The following SLC24A2 variants were observed in gnomAD, a reference collection of about 807,000 sequenced individuals.
The protein encoded by SLC24A2 is solute carrier family 24 member 2.
SLC24A2 carries 36 observed loss-of-function variants against 62.0 expected under a neutral mutation model. That is an observed-to-expected ratio of 0.58 (90% CI 0.44 to 0.77). SLC24A2 has a LOEUF of 0.77. SLC24A2 is among the 30% of genes least tolerant of loss of function. The pLI is 0.00. For synonymous variants in SLC24A2, 358 were observed against 294.0 expected, an observed-to-expected ratio of 1.22 and a Z score of -2.23; for missense variants, 846 against 817.9, an observed-to-expected ratio of 1.03 and a Z score of -0.42.
chr9:19,762,697 T>C (rs1822374211), intron 2 of SLC24A2, among the ~76,000 whole-genome samples: 1 of 152,278 alleles, frequency 6.6e-6, no homozygotes, highest in East Asian at 1.9e-4. Flanking sequence ...TACCAAGCTG[T>C]TTTGGTTACT....
chr9:19,963,059 C>T, the SLC24A2 span, among the ~76,000 whole-genome samples: 12 of 152,020 alleles, frequency 7.9e-5, no homozygotes, highest in Admixed American at 3.3e-4. Context: ...TCAGAAATAA[C>T]GCCGCATATC....
rs1832718831 is a variant in SLC24A2, at chr9:19,511,596, G to A, written c.*4557C>T. On this transcript the variant is annotated 3_prime_UTR_variant, in exon 11 of 11. Transcript: ENST00000341998. ...AATGACAAGGCCTTACCTAATAATT[G>A]AAGACAGTATTGTTGAGACAGGTAT... 6.6e-6 allele frequency: 1 copy of A among 151,872 alleles called. No individual in the cohort carries two copies. Among genetic ancestry groups the A allele is most frequent in the Non-Finnish European group, 1.5e-5 (1 of 68,014 alleles). 9.4% of individuals were successfully genotyped at this position (151,872 alleles called of 1,614,324 possible).
intron 2 of SLC24A2, among the ~76,000 whole-genome samples, chr9:19,753,176 G>C (rs570272831): frequency 6.6e-6 from 1 of 152,130 alleles, no homozygotes; most frequent in Non-Finnish European, 1.5e-5. Context: ...ACCACTGCTG[G>C]CTCCTCCAAC....
At chr9:19,803,397 A>G in the SLC24A2 span, among the ~76,000 whole-genome samples, 3 of 152,188 alleles carry the variant, frequency 2.0e-5, no homozygotes, top group Non-Finnish European at 4.4e-5. Context: ...AAAGATCTAT[A>G]AAAGTATTTT....
At chr9:20,212,762 T>C in the SLC24A2 span, among the ~76,000 whole-genome samples, 26 of 151,660 alleles carry the variant, frequency 1.7e-4, no homozygotes, top group Non-Finnish European at 2.4e-4. Context: ...CATGAAACAA[T>C]AACAAAACAA....
chr9:19,520,049 G>A (rs1010671788), intron 10 of SLC24A2, among the ~76,000 whole-genome samples: 1 of 152,152 alleles, frequency 6.6e-6, no homozygotes, highest in African/African-American at 2.4e-5. Context: ...TACACACAGT[G>A]CACATGGTAG....
the SLC24A2 span, among the ~76,000 whole-genome samples, chr9:20,142,746 C>T: frequency 2.2e-4 from 33 of 152,294 alleles, no homozygotes; most frequent in Admixed American, 1.5e-3. Context: ...CAGGCACCTG[C>T]CACCACGCCC....
At chr9:19,994,170 T>C in the SLC24A2 span, among the ~76,000 whole-genome samples, 15 of 152,130 alleles carry the variant, frequency 9.9e-5, no homozygotes, top group Non-Finnish European at 1.9e-4. Context: ...ACACATTAAA[T>C]GGAGTGATGA....
At chr9:19,561,989 C>G (rs990627462) in intron 7 of SLC24A2, among the ~76,000 whole-genome samples, 5 of 152,172 alleles carry the variant, frequency 3.3e-5, no homozygotes, top group Non-Finnish European at 7.3e-5. Flanking sequence ...CTGGACCTAA[C>G]TTTTCCGAGA....
chr9:19,587,655 C>CTT (rs60056157), intron 5 of SLC24A2, among the ~76,000 whole-genome samples: 2 of 147,068 alleles, frequency 1.4e-5, no homozygotes, highest in African/African-American at 4.9e-5. Context: ...AAATTCCCAC[C>CTT]TTTTTTTTTT....
At chr9:19,617,331 TG>T (rs1817794059) in intron 4 of SLC24A2, among the ~76,000 whole-genome samples, 1 of 152,150 alleles carries the variant, frequency 6.6e-6, no homozygotes. Flanking sequence ...GTCTGGGGGT[TG>T]GGGACCCCTG....
the SLC24A2 span, among the ~76,000 whole-genome samples, chr9:20,157,901 A>G: frequency 7.3e-5 from 11 of 151,544 alleles, no homozygotes; most frequent in Non-Finnish European, 1.3e-4. Flanking sequence ...TCCACAAAAT[A>G]TCTATGAATC....
the SLC24A2 span, among the ~76,000 whole-genome samples, chr9:20,292,460 C>T: frequency 1.6e-3 from 249 of 152,284 alleles, no homozygotes; most frequent in East Asian, 9.3e-3. Flanking sequence ...CACTTGAGAA[C>T]TTAAAGTCAT....
rs563741082 is a variant in SLC24A2, at chr9:19,515,394, C to T, written c.*759G>A. Reference sequence around the variant, plus strand: ...GTGGGCAGATAGTCTCTCTGTTTGGCTTGTAGGAATGTTTTGGAAGGCTCA... The same window carrying T: ...GTGGGCAGATAGTCTCTCTGTTTGGTTTGTAGGAATGTTTTGGAAGGCTCA... On this transcript the variant is annotated 3_prime_UTR_variant, in exon 11 of 11. Coordinates refer to ENST00000341998, the MANE Select transcript of SLC24A2 (RefSeq NM_020344.4). 2.0e-5 allele frequency: 3 copies of T among 152,282 alleles called. No individual in the cohort carries two copies. The South Asian group carries it at 6.2e-4, about 32-fold the overall frequency. 9.4% of individuals were successfully genotyped at this position (152,282 alleles called of 1,614,324 possible). A position where few individuals can be genotyped will look rare whatever the true frequency, so the allele number is the denominator to read the frequency against.
chr9:19,702,711 T>C (rs1408689613), intron 2 of SLC24A2, among the ~76,000 whole-genome samples: 2 of 152,178 alleles, frequency 1.3e-5, no homozygotes, highest in Admixed American at 6.5e-5. Context: ...TATTTTGCCA[T>C]ATTTTCTTAA....
chr9:20,194,859 G>A, the SLC24A2 span, among the ~76,000 whole-genome samples: 20,341 of 151,602 alleles, frequency 0.13, 1,509 homozygotes, highest in African/African-American at 0.2. Context: ...ACACACACAC[G>A]CATGCACACA....
At chr9:19,727,156 CCTAT>C (rs1821195914) in intron 2 of SLC24A2, among the ~76,000 whole-genome samples, 1 of 152,164 alleles carries the variant, frequency 6.6e-6, no homozygotes, top group South Asian at 2.1e-4. Context: ...CTAGGTTCTT[CCTAT>C]CAAGCAAATC....
the SLC24A2 span, among the ~76,000 whole-genome samples, chr9:20,017,257 A>C: frequency 6.6e-6 from 1 of 152,170 alleles, no homozygotes; most frequent in Non-Finnish European, 1.5e-5. Context: ...TCCTGGCCTC[A>C]AGTGATCCAC....
the SLC24A2 span, among the ~76,000 whole-genome samples, chr9:19,934,613 A>G: frequency 2.7e-4 from 41 of 152,230 alleles, 1 homozygote; most frequent in Non-Finnish European, 5.9e-5. The surrounding 1 kb of genome is among the most constrained non-coding windows in gnomAD (Gnocchi z 4.1). Flanking sequence ...ACAGGCAGCC[A>G]GCACCTCCTG....
Sources: gnomAD v4.1 joint callset for allele counts (sites outside exome capture counted in the v4.1 genomes callset) on GRCh38, gnomAD v4.1.1 for gene constraint, Gnocchi (gnomAD v3.1) non-coding constraint, MANE v1.5 for transcripts, NCBI Gene and HGNC (gene_info 2026-07-23, HGNC 2026-07-21) for gene names.